OAS1: variants seen among roughly 807,000 people sequenced by gnomAD.
OAS1 encodes the protein 2'-5'-oligoadenylate synthase 1.
Under a neutral mutation model 38.5 loss-of-function variants are expected in OAS1, and 24 were observed. The observed-to-expected ratio is 0.62, with a 90% CI of 0.45 to 0.88. The LOEUF (loss-of-function observed/expected upper bound fraction) is 0.88, where lower values mean the gene tolerates loss of function less well. Among genes scored for constraint, OAS1 ranks in the 40% least tolerant of loss-of-function variants. The pLI is 0.00. For missense variants in OAS1, 482 were observed against 493.9 expected, an observed-to-expected ratio of 0.98 and a Z score of 0.23; for synonymous variants, 169 against 193.9, an observed-to-expected ratio of 0.87 and a Z score of 1.07.
intron 1 of OAS1, 70 bp from the exon 2 acceptor site, chr12:112,908,466 G>T (rs1473838003): frequency 3.8e-5 from 55 of 1,451,518 alleles, no homozygotes; most frequent in Non-Finnish European, 4.9e-5. Context: ...GTTAGTGATT[G>T]CTCCTGTCAT....
intron 3 of OAS1, 51 bp downstream of exon 3, chr12:112,911,286 G>A (rs754512981): frequency 2.8e-6 from 4 of 1,444,744 alleles, no homozygotes; most frequent in African/African-American, 2.8e-5. Flanking sequence ...TGGGAGCAGA[G>A]GAGGGGTGGG....
At chr12:112,915,786 T>G (rs763629457) in intron 3 of OAS1, among the ~76,000 whole-genome samples, 3 of 152,222 alleles carry the variant, frequency 2.0e-5, no homozygotes, top group Non-Finnish European at 4.4e-5. Context: ...GTGTCATCTA[T>G]GATTTTCTTT....
chr12:112,920,013 A>C, downstream of OAS1: 1 of 266,188 alleles, frequency 3.8e-6, no homozygotes, highest in South Asian at 6.0e-5. Context: ...TTTATTGAGC[A>C]CTTACTATGT....
At chr12:112,930,645 C>T (rs1419507463) in intron 6 of OAS1, among the ~76,000 whole-genome samples, 2 of 152,254 alleles carry the variant, frequency 1.3e-5, no homozygotes, top group Non-Finnish European at 2.9e-5. Context: ...GGACTAAGGT[C>T]CCCTTTGGTC....
intron 6 of OAS1, among the ~76,000 whole-genome samples, chr12:112,929,908 C>T (rs1350743869): frequency 6.6e-6 from 1 of 152,184 alleles, no homozygotes; most frequent in Non-Finnish European, 1.5e-5. Context: ...CTCCCCATTT[C>T]GCAGATGAAT....
At chr12:112,910,137 G>C (rs1292798186) in intron 2 of OAS1, among the ~76,000 whole-genome samples, 3 of 152,208 alleles carry the variant, frequency 2.0e-5, no homozygotes. Flanking sequence ...GGAGGCCAAA[G>C]TGGGGGGATC....
At chr12:112,931,942 C>T in exon 7 of OAS1, 1 of 702,302 alleles carries the variant, frequency 1.4e-6, no homozygotes, top group South Asian at 1.5e-5. Context: ...GGTGAATTTG[C>T]AACAGACAAG....
intron 3 of OAS1, among the ~76,000 whole-genome samples, chr12:112,914,914 A>G (rs2043435796): frequency 1.4e-5 from 2 of 145,566 alleles, no homozygotes; most frequent in African/African-American, 2.5e-5. Flanking sequence ...GCTTGTTGGT[A>G]TTTGTATATC....
exon 7 of OAS1, chr12:112,931,963 T>G (rs1305044639): frequency 1.4e-6 from 1 of 701,644 alleles, no homozygotes; most frequent in East Asian, 2.7e-5. Flanking sequence ...AGGAGCCTCA[T>G]TATCCTATAG....
At chr12:112,914,345 A>T (rs1184750215) in intron 3 of OAS1, among the ~76,000 whole-genome samples, 1 of 152,148 alleles carries the variant, frequency 6.6e-6, no homozygotes, top group Non-Finnish European at 1.5e-5. Flanking sequence ...TCATTGATTG[A>T]TGGGCATTTG....
At chr12:112,916,371 C>T (rs904172978) in intron 3 of OAS1, 138 bp from the exon 4 acceptor site, 1 of 655,230 alleles carries the variant, frequency 1.5e-6, no homozygotes, top group Non-Finnish European at 2.7e-6. Context: ...ATAAACTATA[C>T]ATAAATGAAT....
intron 5 of OAS1, chr12:112,918,603 C>CA (rs1316315543): frequency 2.2e-6 from 1 of 453,308 alleles, no homozygotes; most frequent in East Asian, 6.9e-5. Context: ...ACAGATGAGA[C>CA]AAAGGCTCAG....
downstream of OAS1, among the ~76,000 whole-genome samples, chr12:112,923,935 C>T (rs577687111): frequency 5.2e-4 from 79 of 152,300 alleles, no homozygotes; most frequent in African/African-American, 1.8e-3. Context: ...AAGACTTAAA[C>T]GTAAGACCTG....
chr12:112,932,108 A>G (rs921494290), exon 7 of OAS1: 1 of 565,494 alleles, frequency 1.8e-6, no homozygotes, highest in African/African-American at 1.9e-5. Context: ...TCTGCTTTCA[A>G]TGCCCCATAT....
intron 5 of OAS1, 149 bp downstream of exon 5, chr12:112,917,849 T>G (rs1565964203): frequency 6.4e-7 from 1 of 1,559,484 alleles, no homozygotes. Flanking sequence ...CTCCATATTT[T>G]ACAGTCATTT....
At chr12:112,930,587 C>T (rs1428197046) in intron 6 of OAS1, among the ~76,000 whole-genome samples, 1 of 152,250 alleles carries the variant, frequency 6.6e-6, no homozygotes, top group African/African-American at 2.4e-5. Context: ...GAGTCTCCTA[C>T]AGCCCCCTCC....
At position 112,919,682 on chromosome 12, in the gene OAS1, C is replaced by T. The variant is rs760845428; in HGVS notation, c.*129C>T. On this transcript the variant is annotated 3_prime_UTR_variant, in exon 6 of 6. Coordinates refer to ENST00000202917, the MANE Select transcript of OAS1 (RefSeq NM_016816.4). ...CTGGTGTATAATCCAGGACAGAACC[C>T]AGGTCTCCTGACTCCTGGCCTTCTA... The T allele has an allele frequency of 1.3e-6, 2 of 1,559,884 alleles. No homozygotes were observed. The highest frequency in any genetic ancestry group is 2.4e-5 in the East Asian group (1 of 41,658).
At chr12:112,929,845 C>G (rs2043586734) in intron 6 of OAS1, among the ~76,000 whole-genome samples, 1 of 152,144 alleles carries the variant, frequency 6.6e-6, no homozygotes, top group Non-Finnish European at 1.5e-5. Context: ...GTGCTTAGCA[C>G]TTAGTGTGCG....
At chr12:112,925,371 C>G (rs919637060) in intron 6 of OAS1, among the ~76,000 whole-genome samples, 2 of 152,182 alleles carry the variant, frequency 1.3e-5, no homozygotes, top group Non-Finnish European at 2.9e-5. Flanking sequence ...TCCCAGCCAA[C>G]CGCAGGCCAG....
Sources: gnomAD v4.1 joint callset for allele counts (sites outside exome capture counted in the v4.1 genomes callset) on GRCh38, gnomAD v4.1.1 for gene constraint, MANE v1.5 for transcripts, NCBI Gene and HGNC (gene_info 2026-07-23, HGNC 2026-07-21) for gene names.